GPRC6A: variants seen among roughly 807,000 people sequenced by gnomAD.
GPRC6A encodes the protein G protein-coupled receptor class C group 6 member A, also known as G protein-coupled receptor family C group 6 member A.
In GPRC6A, 54 loss-of-function variants were observed where a neutral mutation model predicts 47.0. The ratio of observed to expected loss-of-function variants is 1.15; its 90% confidence interval spans 0.92 to 1.44. The LOEUF (loss-of-function observed/expected upper bound fraction) is 1.44. GPRC6A is among the 40% of genes most tolerant of loss of function. GPRC6A has a pLI of 0.00. For missense variants in GPRC6A, 1,112 were observed against 1,105.5 expected, an observed-to-expected ratio of 1.01 and a Z score of -0.08; for synonymous variants, 347 against 377.1, an observed-to-expected ratio of 0.92 and a Z score of 0.93.
intron 1 of GPRC6A, among the ~76,000 whole-genome samples, chr6:116,814,589 A>G (rs189906470): frequency 6.6e-6 from 1 of 151,978 alleles, no homozygotes; most frequent in Non-Finnish European, 1.5e-5. Context: ...AACATCACAC[A>G]CTGGGGCTTG....
intron 4 of GPRC6A, among the ~76,000 whole-genome samples, chr6:116,798,884 G>GAAA (rs768427367): frequency 1.8e-5 from 2 of 110,472 alleles, no homozygotes; most frequent in African/African-American, 3.3e-5. Context: ...ATCCATCTTG[G>GAAA]AAAAAAAAAA....
chr6:116,800,822 G>C (rs761495050), intron 3 of GPRC6A, 26 bp from the exon 4 acceptor site: 3 of 1,396,042 alleles, frequency 2.1e-6, no homozygotes, highest in Non-Finnish European at 3.0e-6. Context: ...ACAGAGATAA[G>C]CACTTAATAT....
chr6:116,808,475 G>A (rs1772923458), intron 2 of GPRC6A, among the ~76,000 whole-genome samples: 1 of 151,906 alleles, frequency 6.6e-6, no homozygotes, highest in African/African-American at 2.4e-5. Context: ...AATCGTTTTG[G>A]ATTAAATTTT....
chr6:116,817,284 T>C lies in GPRC6A; in HGVS notation c.195-7667A>G, dbSNP rs200019810. On this transcript the variant is annotated intron_variant, in intron 1 of 5. Transcript: ENST00000310357. Reference sequence around the variant, plus strand: ...ACCCCCCAGCAGGGGCACACTGACATCTCACACGGCAGCGTATTCCAACAG... The same window carrying C: ...ACCCCCCAGCAGGGGCACACTGACACCTCACACGGCAGCGTATTCCAACAG... Among the ~76,000 whole-genome samples the C allele has an allele frequency of 5.9e-4, 90 of 151,604 alleles. 1 individual carries two copies. The East Asian group carries it at 6.8e-3, about 11-fold the overall frequency.
Position 116,793,257 on chromosome 6 carries a change from G to C in GPRC6A, c.1673-7C>G. ...AAAAGGCAGTGAGGCATATCTAAAA[G>C]ACAGAGGAGACGCAGTTACATTGTC... On this transcript the variant is annotated splice_region_variant and splice_polypyrimidine_tract_variant and intron_variant, in intron 5 of 5. Transcript: ENST00000310357. 2 of 1,562,838 alleles carry C rather than the reference G, an allele frequency of 1.3e-6. No individual in the cohort carries two copies. The highest frequency in any genetic ancestry group is 1.7e-6 in the Non-Finnish European group (2 of 1,156,528).
In GPRC6A at chr6:116,793,129, C is replaced by T; in HGVS notation, c.1794G>A (p.Leu598=). ...ATATGATTCCCAGTAGGGAGAGAAT[C>T]AGGAGTAGGATGGCCAAGGAGTCAT... The part of the protein sequence containing the change: ...NWNDSLAILL[L]ILSLLGIIFV... Residue 598 remains leucine, a synonymous_variant, in exon 6 of 6, where the codon CTG becomes CTA. Coordinates refer to ENST00000310357, the MANE Select transcript of GPRC6A (RefSeq NM_148963.4). 6.2e-7 allele frequency: 1 copy of T among 1,613,916 alleles called. No individual in the cohort carries two copies.
At chr6:116,814,986 G>A (rs1185239154) in intron 1 of GPRC6A, among the ~76,000 whole-genome samples, 2 of 151,802 alleles carry the variant, frequency 1.3e-5, no homozygotes, top group Admixed American at 6.6e-5. Context: ...AGTAAAAGAA[G>A]GTCATTATAT....
rs375400374 is a variant in GPRC6A, at chr6:116,792,296, C to A, written c.2627G>T (p.Gly876Val). 8 of 1,613,872 alleles carry A rather than the reference C, an allele frequency of 5.0e-6. No homozygotes were observed. Among genetic ancestry groups the A allele is most frequent in the African/African-American group, 2.7e-5 (2 of 74,880 alleles). ...GCTGGGATTGGTCATTGTGACATTG[C>A]CGCTCATGGAGTCCAGTGAAGCAGG... Reference protein sequence around the residue: ...LSPASLDSMSGNVTMTNPSSS... With the variant: ...LSPASLDSMSVNVTMTNPSSS... The change falls in exon 6 of 6, where the codon GGC becomes GTC. Residue 876 changes from glycine to valine, a missense_variant. Physicochemically the swap from Gly to Val is moderately radical, Grantham distance 109. Coordinates refer to ENST00000310357, the MANE Select transcript of GPRC6A (RefSeq NM_148963.4).
rs771901516 is a variant in GPRC6A at position 116,806,666 on chromosome 6, GA to G, written c.1038del (p.Ser348ValfsTer25). On this transcript the variant is annotated frameshift_variant, in exon 3 of 6. Coordinates refer to ENST00000310357, the MANE Select transcript of GPRC6A (RefSeq NM_148963.4). LOFTEE classifies it high-confidence loss of function. ...FHSFLQNLHL[L>X]PSDSHKLLHE... is the part of the protein sequence containing the mutation. ...TGTAAGAGTTTGTGACTGTCACTGG[GA>G]AGCAAGTGCAGATTTTGAAGAAAGG... The G allele has an allele frequency of 6.2e-7, 1 of 1,613,534 alleles. No individual in the cohort carries two copies. Among genetic ancestry groups the G allele is most frequent in the Admixed American group, 1.7e-5 (1 of 59,916 alleles).
chr6:116,818,277 G>C (rs80006356), intron 1 of GPRC6A, among the ~76,000 whole-genome samples: 4 of 151,842 alleles, frequency 2.6e-5, no homozygotes, highest in Non-Finnish European at 5.9e-5. Context: ...GCTCACGCCT[G>C]TAATCCCAGC....
rs201943670 is a variant in GPRC6A at position 116,803,005 on chromosome 6, TAC to T, written c.1336-2211_1336-2210del. Among the ~76,000 whole-genome samples, 1,060 of 152,200 alleles carry T rather than the reference TAC, an allele frequency of 7.0e-3. 15 individuals are homozygous for T. Among genetic ancestry groups the T allele is most frequent in the African/African-American group, 0.024 (1,009 of 41,540 alleles). ...TAATATGCAACTACCTTGCTACACT[TAC>T]AATACATGTCTCATAAATTCATCAA... is the stretch of plus-strand genomic sequence containing the variant. On this transcript the variant is annotated intron_variant, in intron 3 of 5. Coordinates refer to ENST00000310357, the MANE Select transcript of GPRC6A (RefSeq NM_148963.4).
intron 4 of GPRC6A, among the ~76,000 whole-genome samples, chr6:116,800,130 C>T (rs1224942206): frequency 6.6e-6 from 1 of 152,072 alleles, no homozygotes; most frequent in Non-Finnish European, 1.5e-5. Context: ...ATTAAGAGCC[C>T]ACTGGAGGCT....
At chr6:116,818,257 G>A (rs535170303) in intron 1 of GPRC6A, among the ~76,000 whole-genome samples, 62 of 151,986 alleles carry the variant, frequency 4.1e-4, no homozygotes, top group African/African-American at 6.7e-4. Context: ...ATTTTCGGCC[G>A]GGCGCGGTGG....
chr6:116,823,994 G>T (rs1773593536), intron 1 of GPRC6A, among the ~76,000 whole-genome samples: 1 of 152,014 alleles, frequency 6.6e-6, no homozygotes, highest in South Asian at 2.1e-4. Flanking sequence ...CCTCCTACCA[G>T]GCTCCATCTC....
rs967416310 is a variant in GPRC6A, at chr6:116,821,845, C to A, written c.194+6975G>T. Among the ~76,000 whole-genome samples the A allele has an allele frequency of 3.3e-5, 5 of 150,902 alleles. No individual in the cohort carries two copies. The South Asian group carries it at 8.3e-4, about 25-fold the overall frequency. On this transcript the variant is annotated intron_variant, in intron 1 of 5. Transcript: ENST00000310357. The stretch of plus-strand genomic sequence containing the variant: ...ACACCAAAAGCAATGGCAACAAAAG[C>A]CAAAATTGACAAATGGGATCTAATT...
At chr6:116,803,902 CCTT>C (rs1174866688) in intron 3 of GPRC6A, among the ~76,000 whole-genome samples, 1 of 152,036 alleles carries the variant, frequency 6.6e-6, no homozygotes, top group Non-Finnish European at 1.5e-5. Flanking sequence ...AGTGTACCAT[CCTT>C]CATTGTAATC....
At chr6:116,824,625 C>T (rs1207864007) in intron 1 of GPRC6A, among the ~76,000 whole-genome samples, 1 of 151,884 alleles carries the variant, frequency 6.6e-6, no homozygotes, top group Non-Finnish European at 1.5e-5. Context: ...AATAATAGCT[C>T]AGGACCAGAT....
intron 1 of GPRC6A, among the ~76,000 whole-genome samples, chr6:116,818,685 C>T (rs1184183358): frequency 1.3e-5 from 2 of 150,186 alleles, no homozygotes; most frequent in Admixed American, 6.6e-5. Context: ...CCAGGCCTGC[C>T]CTAAAAGAGC....
chr6:116,828,737 G>T, intron 1 of GPRC6A, 83 bp downstream of exon 1: 1 of 1,093,248 alleles, frequency 9.1e-7, no homozygotes, highest in Non-Finnish European at 1.3e-6. Context: ...AAATGATTTA[G>T]ATATTAATAC....
Sources: allele counts gnomAD v4.1 joint callset (sites outside exome capture counted in the v4.1 genomes callset), GRCh38; gene constraint gnomAD v4.1.1; transcripts MANE v1.5; gene names NCBI Gene and HGNC (gene_info 2026-07-23, HGNC 2026-07-21).